Variants in HIPK1 observed in about 807,000 individuals in gnomAD.
HIPK1 encodes the protein homeodomain interacting protein kinase 1.
A neutral mutation model predicts 117.1 loss-of-function variants in HIPK1; 28 were observed. That is an observed-to-expected ratio of 0.24 (90% CI 0.18 to 0.33). HIPK1 has a LOEUF of 0.33. Ranked by LOEUF, HIPK1 falls within the 10% of genes least tolerant of loss-of-function variation. The pLI, the probability that HIPK1 is intolerant of heterozygous loss-of-function variation, is 1.00. For synonymous variants in HIPK1, 605 were observed against 562.5 expected (o/e 1.08, Z -1.07); for missense variants, 1,122 against 1,475.1 (o/e 0.76, Z 3.92).
At position 113,973,381 on chromosome 1, in the gene HIPK1, G is replaced by C. The variant is rs1672974708; in HGVS notation, c.3502G>C (p.Ala1168Pro). 1 of 1,614,054 alleles carries C rather than the reference G, an allele frequency of 6.2e-7. No individual in the cohort carries two copies. The highest frequency in any genetic ancestry group is 8.5e-7 in the Non-Finnish European group (1 of 1,180,010). The change falls in exon 16 of 16, where the codon GCC (alanine) becomes CCC (proline). Residue 1168 changes from alanine (A) to proline (P), a missense_variant. By Grantham distance (27) the Ala-to-Pro change is conservative (BLOSUM62 -1). Around this residue, in one of 6 missense-constraint regions of HIPK1, gnomAD observed 731 missense variants for 860.4 expected, o/e 0.85. Coordinates refer to ENST00000426820, the MANE Select transcript of HIPK1 (RefSeq NM_198268.3). ...VSVGPSLLTSASVAPAQYQHQ... is the reference protein window; with the variant it reads ...VSVGPSLLTSPSVAPAQYQHQ... ...TGTTGGGCCCAGCCTCCTCACTTCT[G>C]CCAGCGTGGCCCCTGCTCAGTACCA... is the stretch of plus-strand genomic sequence containing the variant.
In HIPK1 at chr1:113,957,458, A is replaced by G. The variant is rs541454371; in HGVS notation, c.1755+172A>G. Among the ~76,000 whole-genome samples the G allele has an allele frequency of 1.4e-3, 220 of 152,358 alleles. 1 individual carries two copies. The highest frequency in any genetic ancestry group is 2.4e-3 in the Non-Finnish European group (166 of 68,028). Reference sequence around the variant, plus strand: ...GGTAGACTGATAATACTTACCAGGCACAGGCTAACTAAAGTTAAATATAAA... The same window carrying G: ...GGTAGACTGATAATACTTACCAGGCGCAGGCTAACTAAAGTTAAATATAAA... On this transcript the variant is annotated intron_variant, in intron 7 of 15. Transcript: ENST00000426820.
At chr1:113,946,585 C>G (rs753527886) in intron 2 of HIPK1, among the ~76,000 whole-genome samples, 1 of 152,154 alleles carries the variant, frequency 6.6e-6, no homozygotes, top group Non-Finnish European at 1.5e-5. Flanking sequence ...TATTTTTTAT[C>G]CTTTTAATTT....
chr1:113,972,191 A>C, intron 15 of HIPK1: 2 of 1,164,864 alleles, frequency 1.7e-6, no homozygotes, highest in African/African-American at 1.6e-5. Context: ...TCTACCCTGG[A>C]AGGTTAGAGA....
At chr1:113,955,753 T>G (rs1671675150) in intron 5 of HIPK1, 104 bp downstream of exon 5, 1 of 617,110 alleles carries the variant, frequency 1.6e-6, no homozygotes, top group South Asian at 2.6e-5. Context: ...TAGTATTTGT[T>G]TTCAGTTTTT....
In HIPK1 at chr1:113,957,132, C is replaced by G. The variant is rs1671779493; in HGVS notation, c.1601C>G (p.Ser534Cys). The G allele has an allele frequency of 1.2e-6, 2 of 1,612,230 alleles. No homozygotes were observed. The highest frequency in any genetic ancestry group is 1.7e-6 in the Non-Finnish European group (2 of 1,178,606). The change falls in exon 7 of 16, where the codon TCT (serine) becomes TGT (cysteine). Residue 534 changes from serine (S) to cysteine (C), a missense_variant. Ser to Cys is a moderately radical substitution (Grantham distance 112, BLOSUM62 -1). Around this residue, in one of 6 missense-constraint regions of HIPK1, gnomAD observed 731 missense variants for 860.4 expected, o/e 0.85. Transcript: ENST00000426820. Reference protein sequence around the residue: ...LDFPHSNHVKSCFQNMEICKR... With the variant: ...LDFPHSNHVKCCFQNMEICKR... The stretch of plus-strand genomic sequence containing the variant: ...TTTAATCTCCTTTTCAGTGTTAAGT[C>G]TTGTTTTCAGAACATGGAGATCTGC...
chr1:113,968,065 A>T lies in HIPK1; in HGVS notation c.2564+117A>T, dbSNP rs376474035. The T allele has an allele frequency of 8.0e-6, 7 of 870,354 alleles. No homozygotes were observed. The South Asian group carries it at 1.2e-4, about 15-fold the overall frequency. The allele number at this position is 870,354 out of a possible 1,614,324, so 53.9% of individuals were successfully genotyped here. Reference sequence around the variant, plus strand: ...GATATGAAGCAGCAAGTAGCTGCCAAATTGAGGAAGAGCAAATCATTTCAT... The same window carrying T: ...GATATGAAGCAGCAAGTAGCTGCCATATTGAGGAAGAGCAAATCATTTCAT... On this transcript the variant is annotated intron_variant, in intron 12 of 15. Transcript: ENST00000426820.
At chr1:113,945,319 C>G (rs1670920581) in intron 2 of HIPK1, among the ~76,000 whole-genome samples, 1 of 152,180 alleles carries the variant, frequency 6.6e-6, no homozygotes, top group Non-Finnish European at 1.5e-5. Context: ...GTGTTTGACA[C>G]AGAAAAGTTT....
chr1:113,931,199 A>T (rs1669873564), intron 1 of HIPK1, among the ~76,000 whole-genome samples: 1 of 148,688 alleles, frequency 6.7e-6, no homozygotes, highest in South Asian at 2.1e-4. Context: ...GATTATAGAG[A>T]ATGCAAACTA....
chr1:113,942,314 G>A (rs891257577), intron 2 of HIPK1, among the ~76,000 whole-genome samples: 4 of 151,374 alleles, frequency 2.6e-5, no homozygotes, highest in African/African-American at 9.7e-5. Flanking sequence ...ACCCGCCTCA[G>A]CCTCCCAAAG....
intron 2 of HIPK1, among the ~76,000 whole-genome samples, chr1:113,948,333 C>T (rs1003824990): frequency 6.6e-6 from 1 of 152,122 alleles, no homozygotes; most frequent in South Asian, 2.1e-4. Flanking sequence ...CTCACTGCAG[C>T]CTTGACCTCC....
At chr1:113,966,968 A>G (rs760129815) in intron 11 of HIPK1, among the ~76,000 whole-genome samples, 6 of 151,980 alleles carry the variant, frequency 3.9e-5, no homozygotes, top group Non-Finnish European at 8.8e-5. Context: ...TAGATCCCAT[A>G]AATAAGTGAG....
chr1:113,968,044 T>C (rs973967218), intron 12 of HIPK1, 96 bp downstream of exon 12: 10 of 1,132,596 alleles, frequency 8.8e-6, no homozygotes, highest in Non-Finnish European at 1.1e-5. Flanking sequence ...AATATAGATA[T>C]GAAGCAGCAA....
intron 5 of HIPK1, among the ~76,000 whole-genome samples, chr1:113,956,067 A>ATTTTTTTTTTTTTTTTTTTT (rs755763487): frequency 1.1e-5 from 1 of 91,826 alleles, no homozygotes; most frequent in East Asian, 3.3e-4. Flanking sequence ...TACTTGTTCC[A>ATTTTTTTTTTTTTTTTTTTT]TTTTTTTTTT....
chr1:113,947,951 G>A (rs1299341276), intron 2 of HIPK1, among the ~76,000 whole-genome samples: 2 of 152,152 alleles, frequency 1.3e-5, no homozygotes, highest in Non-Finnish European at 1.5e-5. Flanking sequence ...ACCTAGAAGA[G>A]TAATTATCTA....
chr1:113,960,427 T>C (rs1672021818), intron 8 of HIPK1, among the ~76,000 whole-genome samples: 1 of 152,212 alleles, frequency 6.6e-6, no homozygotes, highest in African/African-American at 2.4e-5. Context: ...TAAATACTAC[T>C]TTCCATACTG....
rs370595003 is a variant in HIPK1 at position 113,958,173 on chromosome 1, T to G, written c.1863T>G (p.Ala621=). 6.2e-7 allele frequency: 1 copy of G among 1,614,088 alleles called. No individual in the cohort carries two copies. The highest frequency in any genetic ancestry group is 1.3e-5 in the African/African-American group (1 of 74,946). ...AGTCAGCTTTGTACCCATCATCTGC[T>G]GCACCAGTTCCTGGAGTTGCCCAGC... ...NYQSALYPSS[A]APVPGVAQQG... is the part of the protein sequence containing the mutation. Residue 621 remains alanine, a synonymous_variant, in exon 8 of 16, where the codon GCT becomes GCG. Coordinates refer to ENST00000426820, the MANE Select transcript of HIPK1 (RefSeq NM_198268.3).
At chr1:113,932,478 T>G (rs1459690669) in intron 1 of HIPK1, among the ~76,000 whole-genome samples, 1 of 150,538 alleles carries the variant, frequency 6.6e-6, no homozygotes, top group Admixed American at 6.6e-5. Flanking sequence ...CAAGTGATTC[T>G]CATACCTCTG....
At chr1:113,971,706 T>C (rs1212820171) in intron 14 of HIPK1, 118 bp from the exon 15 acceptor site, 4 of 901,030 alleles carry the variant, frequency 4.4e-6, no homozygotes, top group Non-Finnish European at 4.8e-6. Context: ...CTGATGTAAA[T>C]AGAATTGAGA....
chr1:113,958,200 G>A lies in HIPK1; in HGVS notation c.1890G>A (p.Gln630=). The A allele has an allele frequency of 6.2e-7, 1 of 1,614,162 alleles. No homozygotes were observed. Among genetic ancestry groups the A allele is most frequent in the Non-Finnish European group, 8.5e-7 (1 of 1,180,022 alleles). The change falls in exon 8 of 16, where the codon CAG becomes CAA. Residue 630 remains glutamine, a synonymous_variant. Transcript: ENST00000426820. ...SAAPVPGVAQ[Q]GVSLQPGTTQ... ...CACCAGTTCCTGGAGTTGCCCAGCA[G>A]GGTGTTTCCTTGCAGCCTGGAACCA... is the stretch of plus-strand genomic sequence containing the variant.
Sources: gnomAD v4.1 joint callset for allele counts (sites outside exome capture counted in the v4.1 genomes callset) on GRCh38, gnomAD v4.1.1 for gene constraint, gnomAD v4.1.1 regional missense constraint, MANE v1.5 for transcripts, NCBI Gene and HGNC (gene_info 2026-07-23, HGNC 2026-07-21) for gene names.